RGS12: variants seen among roughly 807,000 people sequenced by gnomAD.
The protein encoded by RGS12 is regulator of G protein signaling 12.
A neutral mutation model predicts 120.1 loss-of-function variants in RGS12; 66 were observed. The ratio of observed to expected loss-of-function variants is 0.55; its 90% CI spans 0.45 to 0.67. RGS12 has a LOEUF of 0.67. Among genes scored for constraint, RGS12 ranks in the 30% least tolerant of loss-of-function variants. The probability of loss-of-function intolerance (pLI) is 0.00; values close to 1 mark genes in which losing one functional copy is unlikely to be tolerated. For missense variants in RGS12, 1,859 were observed against 1,957.7 expected, an observed-to-expected ratio of 0.95 and a Z score of 0.95; for synonymous variants, 827 against 804.7, an observed-to-expected ratio of 1.03 and a Z score of -0.47.
chr4:3,351,179 A>T (rs959540046), intron 3 of RGS12, among the ~76,000 whole-genome samples: 1 of 152,064 alleles, frequency 6.6e-6, no homozygotes, highest in Non-Finnish European at 1.5e-5. Context: ...AAATGTTTAC[A>T]TTTTAGCTAG....
In RGS12 at chr4:3,317,730, C is replaced by G. The variant is rs909031019; in HGVS notation, c.1560C>G (p.Pro520=). 1.2e-6 allele frequency: 2 copies of G among 1,613,568 alleles called. No homozygotes were observed. Among genetic ancestry groups the G allele is most frequent in the African/African-American group, 1.3e-5 (1 of 75,078 alleles). Residue 520 remains proline, a synonymous_variant, in exon 2 of 18, where the codon CCC becomes CCG. Coordinates refer to ENST00000336727, the MANE Select transcript of RGS12 (RefSeq NM_001394154.1). The part of the protein sequence containing the change: ...VPPASLRSSV[P]PSKRGTVGAG... Reference sequence around the variant, plus strand: ...CAGCTTCCTTGAGGAGCTCAGTCCCCCCTTCCAAGAGGGGCACCGTGGGTG... The same window carrying G: ...CAGCTTCCTTGAGGAGCTCAGTCCCGCCTTCCAAGAGGGGCACCGTGGGTG...
intron 14 of RGS12, among the ~76,000 whole-genome samples, chr4:3,427,782 A>G (rs1222401666): frequency 6.6e-6 from 1 of 152,202 alleles, no homozygotes; most frequent in Non-Finnish European, 1.5e-5. Context: ...TATGTCATAA[A>G]TGTAAGACTC....
Position 3,390,827 on chromosome 4 carries a change from C to T in RGS12, c.2020+4390C>T, listed in dbSNP as rs745306660. Among the ~76,000 whole-genome samples, 14 of 152,186 alleles carry T rather than the reference C, an allele frequency of 9.2e-5. No individual in the cohort carries two copies. Among genetic ancestry groups the T allele is most frequent in the Non-Finnish European group, 1.8e-4 (12 of 68,042 alleles). The stretch of plus-strand genomic sequence containing the variant: ...CGGCTGCCTGATGGGGGAGGGTTAC[C>T]GTAATTGCCGGATTAACTTGGGGGA... On this transcript the variant is annotated intron_variant, in intron 4 of 17. Coordinates refer to ENST00000336727, the MANE Select transcript of RGS12 (RefSeq NM_001394154.1). This position sits in a 1 kb window ranked among gnomAD's most constrained non-coding sequence, Gnocchi z 4.6.
chr4:3,287,223 C>T, the RGS12 span, among the ~76,000 whole-genome samples: 1 of 152,198 alleles, frequency 6.6e-6, no homozygotes, highest in African/African-American at 2.4e-5. Context: ...ACTCGAAGAG[C>T]AACATTTAAA....
chr4:3,432,629 C>T (rs556933464), intron 17 of RGS12, among the ~76,000 whole-genome samples: 3 of 152,358 alleles, frequency 2.0e-5, no homozygotes, highest in Admixed American at 6.5e-5. Flanking sequence ...CTGAGCGCCC[C>T]GGCTGACATC....
At chr4:3,320,801 G>A (rs548146091) in intron 2 of RGS12, among the ~76,000 whole-genome samples, 9 of 152,308 alleles carry the variant, frequency 5.9e-5, no homozygotes, top group Admixed American at 2.0e-4. Flanking sequence ...GGGTCCGGAC[G>A]TCGCCGTGGA....
At chr4:3,370,270 G>C (rs1186050218) in intron 3 of RGS12, 1 of 1,614,088 alleles carries the variant, frequency 6.2e-7, no homozygotes, top group Non-Finnish European at 8.5e-7. Context: ...GCCTTACAAT[G>C]AATTTGGGGA....
intron 3 of RGS12, among the ~76,000 whole-genome samples, chr4:3,360,267 C>T (rs542254066): frequency 6.6e-6 from 1 of 152,220 alleles, no homozygotes; most frequent in East Asian, 1.9e-4. Flanking sequence ...TCCCTTAGTT[C>T]ATTGAGCAAA....
At position 3,366,827 on chromosome 4, in the gene RGS12, A is replaced by T. The variant is rs1716358603; in HGVS notation, c.1999-19589A>T. ...GTAAGGAGGCCCAGAGTCAAGGAGG[A>T]GCTCTTTGGCAGGTCCTGGAGACCC... On this transcript the variant is annotated intron_variant, in intron 3 of 17. Transcript: ENST00000336727. This position sits in a 1 kb window ranked among gnomAD's most constrained non-coding sequence, Gnocchi z 4.0. 6.6e-6 allele frequency among the ~76,000 whole-genome samples: 1 copy of T among 152,030 alleles called. No individual in the cohort carries two copies. Among genetic ancestry groups the T allele is most frequent in the African/African-American group, 2.4e-5 (1 of 41,378 alleles).
chr4:3,297,232 T>A (rs1218959672), intron 1 of RGS12, among the ~76,000 whole-genome samples: 1 of 152,218 alleles, frequency 6.6e-6, no homozygotes, highest in Non-Finnish European at 1.5e-5. Flanking sequence ...TTTTCCTACA[T>A]CTTTGTGTCC....
At chr4:3,344,458 A>C (rs113517592) in intron 3 of RGS12, among the ~76,000 whole-genome samples, 1 of 152,142 alleles carries the variant, frequency 6.6e-6, no homozygotes, top group Non-Finnish European at 1.5e-5. Context: ...ATCTGTGCAC[A>C]AGTCCTGTTC....
chr4:3,321,160 A>G (rs1454967622), intron 2 of RGS12, among the ~76,000 whole-genome samples: 2 of 152,210 alleles, frequency 1.3e-5, no homozygotes, highest in African/African-American at 4.8e-5. Flanking sequence ...TAACAAAGGA[A>G]AAGAAGGTTA....
At chr4:3,319,700 C>T (rs912280908) in intron 2 of RGS12, among the ~76,000 whole-genome samples, 4 of 152,256 alleles carry the variant, frequency 2.6e-5, no homozygotes, top group African/African-American at 9.6e-5. Flanking sequence ...CTGCCTCAGC[C>T]TCCCAGAGTG....
rs773813998 is a variant in RGS12, at chr4:3,342,942, A to C, written c.1887A>C (p.Ser629=). The stretch of plus-strand genomic sequence containing the variant: ...CCTTTTTTCTTCGTGTTTAGGGCTC[A>C]AAATTTGGGCGGGGAACTGGACTCA... ...VRKTKEDKKG[S]KFGRGTGLTQ... is the part of the protein sequence containing the mutation. The change falls in exon 3 of 18, where the codon TCA becomes TCC. Residue 629 remains serine (S), a synonymous_variant. Coordinates refer to ENST00000336727, the MANE Select transcript of RGS12 (RefSeq NM_001394154.1). 8 of 1,613,074 alleles carry C rather than the reference A, an allele frequency of 5.0e-6. No individual in the cohort carries two copies. The highest frequency in any genetic ancestry group is 1.1e-5 in the South Asian group (1 of 91,062).
intron 4 of RGS12, chr4:3,413,414 G>A (rs1229580292): frequency 3.3e-5 from 5 of 152,286 alleles, no homozygotes; most frequent in Admixed American, 3.3e-4. Flanking sequence ...GAGCCGACAT[G>A]CGTGGCTGAG....
At chr4:3,311,479 A>G (rs1578699349) in intron 1 of RGS12, among the ~76,000 whole-genome samples, 1 of 152,122 alleles carries the variant, frequency 6.6e-6, no homozygotes, top group Non-Finnish European at 1.5e-5. Flanking sequence ...TCTTTACACC[A>G]TGAGTTTTTA....
In RGS12 at chr4:3,433,422, C is replaced by G. The variant is rs969262153; in HGVS notation, c.4114+2467C>G. ...AGCTGTGCCACACCACTTTGCCCTT[C>G]CAGCCTCAGTGCCATGCACTGTGCC... On this transcript the variant is annotated intron_variant, in intron 17 of 17. Coordinates refer to ENST00000336727, the MANE Select transcript of RGS12 (RefSeq NM_001394154.1). This position sits in a 1 kb window ranked among gnomAD's most constrained non-coding sequence, Gnocchi z 4.4. Among the ~76,000 whole-genome samples the G allele has an allele frequency of 6.6e-6, 1 of 152,180 alleles. No homozygotes were observed.
At chr4:3,333,427 T>C (rs1712096478) in intron 2 of RGS12, among the ~76,000 whole-genome samples, 1 of 152,270 alleles carries the variant, frequency 6.6e-6, no homozygotes, top group African/African-American at 2.4e-5. Flanking sequence ...CGTGAGCCAC[T>C]GCACCCGGTC....
chr4:3,412,194 G>A (rs974366538), intron 4 of RGS12, among the ~76,000 whole-genome samples: 3 of 152,084 alleles, frequency 2.0e-5, no homozygotes, highest in Non-Finnish European at 4.4e-5. Flanking sequence ...GACTCCTGCC[G>A]AGCGTAGCCT....
Sources: gnomAD v4.1 joint callset for allele counts (sites outside exome capture counted in the v4.1 genomes callset) on GRCh38, gnomAD v4.1.1 for gene constraint, Gnocchi (gnomAD v3.1) non-coding constraint, MANE v1.5 for transcripts, NCBI Gene and HGNC (gene_info 2026-07-23, HGNC 2026-07-21) for gene names.